The following TESK2 variants were observed in gnomAD, a reference collection of about 807,000 sequenced individuals.
TESK2 encodes the protein testis associated actin remodelling kinase 2.
Under a neutral mutation model 57.1 loss-of-function variants are expected in TESK2, and 39 were observed. That is an observed-to-expected ratio of 0.68 (90% confidence interval 0.53 to 0.89). The LOEUF is 0.89. TESK2 is among the 40% of genes least tolerant of loss of function. TESK2 has a pLI of 0.00. For missense variants in TESK2, 646 were observed against 732.1 expected (o/e 0.88, Z 1.36); for synonymous variants, 249 against 267.9 (o/e 0.93, Z 0.69).
chr1:45,370,276 CTTTA>C (rs1332440717), intron 4 of TESK2, among the ~76,000 whole-genome samples: 1 of 152,116 alleles, frequency 6.6e-6, no homozygotes, highest in South Asian at 2.1e-4. Context: ...ATTTGTAGAA[CTTTA>C]TTTATTTATT....
intron 2 of TESK2, among the ~76,000 whole-genome samples, chr1:45,446,097 C>T (rs1185182186): frequency 5.9e-5 from 9 of 151,528 alleles, no homozygotes; most frequent in African/African-American, 2.2e-4. Context: ...TGGAATTCTA[C>T]CAAATATTTA....
At chr1:45,389,308 G>A (rs949664392) in intron 3 of TESK2, among the ~76,000 whole-genome samples, 4 of 152,140 alleles carry the variant, frequency 2.6e-5, no homozygotes, top group Admixed American at 1.3e-4. Context: ...AGTTACTCAG[G>A]AGGCTGAGGT....
At chr1:45,366,047 G>T (rs1480530249) in intron 4 of TESK2, among the ~76,000 whole-genome samples, 2 of 151,974 alleles carry the variant, frequency 1.3e-5, no homozygotes, top group Non-Finnish European at 2.9e-5. Context: ...GACCTCAGGT[G>T]ATCCGCCTGC....
intron 2 of TESK2, among the ~76,000 whole-genome samples, chr1:45,431,261 A>C (rs1650940948): frequency 6.6e-6 from 1 of 152,154 alleles, no homozygotes; most frequent in Non-Finnish European, 1.5e-5. Context: ...TACTAAAAAT[A>C]CAAAAAATTG....
rs763131301 is a variant in TESK2 at position 45,344,968 on chromosome 1, C to G, written c.1588G>C (p.Gly530Arg). The G allele has an allele frequency of 1.9e-6, 3 of 1,614,254 alleles. No individual in the cohort carries two copies. The highest frequency in any genetic ancestry group is 2.5e-6 in the Non-Finnish European group (3 of 1,180,044). The change falls in exon 11 of 11, where the codon GGG becomes CGG. Residue 530 changes from glycine to arginine, a missense_variant. By Grantham distance (125) the Gly-to-Arg change is moderately radical. Transcript: ENST00000372086. ...GCACCCGCAGGGCATGGACTGGTCC[C>G]CTGGGGCCTGGACCCAAAACCATTT... ...EENGFGSRPQ[G>R]TSPCPAGASE...
chr1:45,370,108 A>T (rs565074881), intron 4 of TESK2, among the ~76,000 whole-genome samples: 4 of 152,212 alleles, frequency 2.6e-5, no homozygotes, highest in Non-Finnish European at 5.9e-5. Flanking sequence ...CATGTTCAGT[A>T]AACAATAAGA....
In TESK2 at chr1:45,345,499, G is replaced by A; in HGVS notation, c.1057C>T (p.His353Tyr). 2.5e-6 allele frequency: 4 copies of A among 1,614,080 alleles called. No individual in the cohort carries two copies. Among genetic ancestry groups the A allele is most frequent in the East Asian group, 4.5e-5 (2 of 44,882 alleles). Residue 353 changes from histidine (H) to tyrosine (Y), a missense_variant, in exon 11 of 11, where the codon CAC becomes TAC. By Grantham distance (83) the His-to-Tyr change is moderately conservative (BLOSUM62 2). Coordinates refer to ENST00000372086, the MANE Select transcript of TESK2 (RefSeq NM_007170.3). ...RLSSLDDKIPHKSPCPRRTIW... is the reference protein window; with the variant it reads ...RLSSLDDKIPYKSPCPRRTIW... The stretch of plus-strand genomic sequence containing the variant: ...GTACGTCTTGGGCATGGTGACTTGT[G>A]GGGGATCTTGTCATCCAGTGAGCTT...
intron 2 of TESK2, among the ~76,000 whole-genome samples, chr1:45,429,846 T>C (rs549905131): frequency 6.6e-6 from 1 of 152,298 alleles, no homozygotes; most frequent in East Asian, 1.9e-4. Flanking sequence ...AACAAATCAG[T>C]TACTTTTCTG....
rs758163568 is a variant in TESK2, at chr1:45,385,893, A to G, written c.393+19T>C. 1 of 1,585,696 alleles carries G rather than the reference A, an allele frequency of 6.3e-7. No homozygotes were observed. Among genetic ancestry groups the G allele is most frequent in the Non-Finnish European group, 8.6e-7 (1 of 1,159,670 alleles). On this transcript the variant is annotated intron_variant, in intron 4 of 10. Coordinates refer to ENST00000372086, the MANE Select transcript of TESK2 (RefSeq NM_007170.3). ...AAACTAAGGCAAATACGTTACTTCA[A>G]CACTTACTGATGTCTTACCTCTGTA... is the stretch of plus-strand genomic sequence containing the variant.
intron 1 of TESK2, among the ~76,000 whole-genome samples, chr1:45,465,873 G>A (rs1011053451): frequency 4.6e-5 from 7 of 152,080 alleles, no homozygotes; most frequent in African/African-American, 1.7e-4. Context: ...ATTATAAGTA[G>A]CAATGTGAAT....
At chr1:45,478,831 C>A (rs566137698) in intron 1 of TESK2, among the ~76,000 whole-genome samples, 225 of 151,828 alleles carry the variant, frequency 1.5e-3, no homozygotes, top group Middle Eastern at 3.4e-3. Flanking sequence ...TCAAGCAATT[C>A]TCCTGCCTCA....
intron 2 of TESK2, among the ~76,000 whole-genome samples, chr1:45,455,923 T>C (rs1652069583): frequency 6.6e-6 from 1 of 151,568 alleles, no homozygotes; most frequent in Admixed American, 6.6e-5. Flanking sequence ...CTGGGTGTGG[T>C]GGCTCTTACC....
chr1:45,350,446 G>A (rs1235654738), intron 5 of TESK2, among the ~76,000 whole-genome samples: 1 of 152,146 alleles, frequency 6.6e-6, no homozygotes, highest in Non-Finnish European at 1.5e-5. Context: ...CACTTTCTAT[G>A]TGGCTTCACC....
chr1:45,467,493 G>C (rs908769033), intron 1 of TESK2, among the ~76,000 whole-genome samples: 2 of 151,750 alleles, frequency 1.3e-5, no homozygotes, highest in African/African-American at 4.8e-5. Flanking sequence ...CACCACACCC[G>C]GCTAATTTTT....
Position 45,460,292 on chromosome 1 carries a change from C to G in TESK2, c.-86-2421G>C, listed in dbSNP as rs192724390. ...CAGCACTTTGGGAGGCCAAGGCAGG[C>G]AGATCACCTGAGGTCATGAGTTTGA... On this transcript the variant is annotated intron_variant, in intron 1 of 10. Coordinates refer to ENST00000372086, the MANE Select transcript of TESK2 (RefSeq NM_007170.3). 7.2e-5 allele frequency among the ~76,000 whole-genome samples: 11 copies of G among 152,184 alleles called. No individual in the cohort carries two copies. In the East Asian group the frequency reaches 1.5e-3, roughly 21 times the overall value.
intron 4 of TESK2, among the ~76,000 whole-genome samples, chr1:45,378,204 C>T (rs571694894): frequency 6.6e-6 from 1 of 152,220 alleles, no homozygotes; most frequent in African/African-American, 2.4e-5. Flanking sequence ...CATGGGATAA[C>T]AGATTTTTAA....
intron 7 of TESK2, among the ~76,000 whole-genome samples, chr1:45,347,287 CG>C (rs1176019612): frequency 6.6e-6 from 1 of 152,080 alleles, no homozygotes; most frequent in Non-Finnish European, 1.5e-5. Context: ...GAGAATCAGC[CG>C]AGCGCGATGG....
intron 3 of TESK2, among the ~76,000 whole-genome samples, chr1:45,406,348 G>T (rs2149282002): frequency 1.3e-5 from 2 of 152,262 alleles, no homozygotes; most frequent in East Asian, 3.9e-4. Context: ...TACCAAATGA[G>T]TAAGAACTCA....
chr1:45,474,947 T>C (rs1301516554), intron 1 of TESK2, among the ~76,000 whole-genome samples: 2 of 151,454 alleles, frequency 1.3e-5, no homozygotes, highest in African/African-American at 4.8e-5. Flanking sequence ...CAGGATAATA[T>C]CTCCTTTGAT....
Sources: allele counts gnomAD v4.1 joint callset (sites outside exome capture counted in the v4.1 genomes callset), GRCh38; gene constraint gnomAD v4.1.1; transcripts MANE v1.5; gene names NCBI Gene and HGNC (gene_info 2026-07-23, HGNC 2026-07-21).